LRP1B: variants seen among roughly 807,000 people sequenced by gnomAD.
The protein encoded by LRP1B is low-density lipoprotein receptor-related protein 1B.
LRP1B carries 217 observed loss-of-function variants against 556.6 expected under a neutral mutation model. The ratio of observed to expected loss-of-function variants is 0.39; its 90% CI spans 0.35 to 0.44. LRP1B has a LOEUF of 0.44. LRP1B is among the 20% of genes least tolerant of loss of function. The pLI is 1.00. For missense variants in LRP1B, 5,053 were observed against 5,620.8 expected, an observed-to-expected ratio of 0.90 and a Z score of 3.23; for synonymous variants, 2,047 against 1,865.8, an observed-to-expected ratio of 1.10 and a Z score of -2.50.
intron 3 of LRP1B, among the ~76,000 whole-genome samples, chr2:141,287,087 CTT>C (rs1319328150): frequency 1.3e-5 from 2 of 152,152 alleles, no homozygotes; most frequent in Non-Finnish European, 2.9e-5. Flanking sequence ...TTCCCTCTAT[CTT>C]TGTCTTCATT....
At chr2:141,970,674 A>AAAAACC (rs1701702569) in intron 1 of LRP1B, among the ~76,000 whole-genome samples, 1 of 151,556 alleles carries the variant, frequency 6.6e-6, no homozygotes, top group Non-Finnish European at 1.5e-5. Flanking sequence ...AAACACCATA[A>AAAAACC]AAAACCATTC....
intron 35 of LRP1B, among the ~76,000 whole-genome samples, chr2:140,752,175 C>T (rs1236158922): frequency 2.0e-5 from 3 of 151,892 alleles, no homozygotes; most frequent in South Asian, 2.1e-4. Flanking sequence ...ATTAGCTCGG[C>T]GTGGTGGCAC....
In LRP1B at chr2:141,959,920, A is replaced by G. The variant is rs535185157; in HGVS notation, c.83-149519T>C. On this transcript the variant is annotated intron_variant, in intron 1 of 90. Coordinates refer to ENST00000389484, the MANE Select transcript of LRP1B (RefSeq NM_018557.3). ...TTGCTTCTAAGACAGGTAGTCATCA[A>G]CTATATTCAAGGGAAATTGTGCCAA... Among the ~76,000 whole-genome samples, 4 of 152,066 alleles carry G rather than the reference A, an allele frequency of 2.6e-5. No homozygotes were observed. In the South Asian group the frequency reaches 8.3e-4, roughly 31 times the overall value.
intron 2 of LRP1B, among the ~76,000 whole-genome samples, chr2:141,509,564 TCAAA>T (rs201942884): frequency 6.7e-5 from 9 of 134,356 alleles, no homozygotes; most frequent in African/African-American, 2.2e-4. Flanking sequence ...GTACTAGAGC[TCAAA>T]CAAACAAACA....
intron 11 of LRP1B, among the ~76,000 whole-genome samples, chr2:141,022,825 A>C (rs955293026): frequency 2.0e-5 from 3 of 152,000 alleles, no homozygotes; most frequent in Non-Finnish European, 2.9e-5. Flanking sequence ...ACTTTGGGAT[A>C]GAGTTCAAGT....
Position 140,894,513 on chromosome 2 carries a change from G to T in LRP1B, c.3767-8178C>A, listed in dbSNP as rs570307096. On this transcript the variant is annotated intron_variant, in intron 23 of 90. Coordinates refer to ENST00000389484, the MANE Select transcript of LRP1B (RefSeq NM_018557.3). ...CTGAAAAAATCAAAGATAAGTTGAG[G>T]TTGTGAGCCCTGAAGACCAAAAAAA... 2.5e-3 allele frequency among the ~76,000 whole-genome samples: 329 copies of T among 133,996 alleles called. 2 individuals carry two copies. Among genetic ancestry groups the T allele is most frequent in the Non-Finnish European group, 3.3e-3 (195 of 59,412 alleles). The allele number at this position is 133,996 out of a possible 152,430, so 87.9% of individuals were successfully genotyped here. A position where few individuals can be genotyped will look rare whatever the true frequency, so the allele number is the denominator to read the frequency against.
chr2:140,539,227 T>C (rs554044933), intron 45 of LRP1B, among the ~76,000 whole-genome samples: 5 of 152,250 alleles, frequency 3.3e-5, no homozygotes, highest in Non-Finnish European at 5.9e-5. Flanking sequence ...ACCCCTTTAA[T>C]GCTGCCATTA....
At chr2:140,938,406 G>A (rs887668333) in intron 20 of LRP1B, among the ~76,000 whole-genome samples, 4 of 151,856 alleles carry the variant, frequency 2.6e-5, no homozygotes, top group African/African-American at 7.3e-5. Context: ...TTAATATAAG[G>A]GCCTAGATCT....
chr2:140,596,835 A>G (rs745968110), intron 43 of LRP1B, among the ~76,000 whole-genome samples: 5 of 152,178 alleles, frequency 3.3e-5, no homozygotes, highest in Non-Finnish European at 5.9e-5. Context: ...GGGGATCATC[A>G]TAATAATGCC....
intron 3 of LRP1B, among the ~76,000 whole-genome samples, chr2:141,301,669 T>C (rs1159881051): frequency 6.6e-6 from 1 of 152,200 alleles, no homozygotes. Context: ...GGACCTGTAA[T>C]AGCTCATTTC....
chr2:142,087,553 C>A (rs6714759), intron 1 of LRP1B, among the ~76,000 whole-genome samples: 4,365 of 151,156 alleles, frequency 0.029, 199 homozygotes, highest in African/African-American at 0.1. Flanking sequence ...TTCCAGCAAT[C>A]ATTTTCATTT....
chr2:141,187,582 A>G lies in LRP1B; in HGVS notation c.1013+839T>C, dbSNP rs115550638. On this transcript the variant is annotated intron_variant, in intron 7 of 90. Transcript: ENST00000389484. ...GTGGTACACTATGTGGTTAATTTGA[A>G]AGTATCCTTGCCCAGTAGTGACTGC... Among the ~76,000 whole-genome samples the G allele has an allele frequency of 2.8e-3, 433 of 152,198 alleles. 4 individuals are homozygous for G. The highest frequency in any genetic ancestry group is 9.9e-3 in the African/African-American group (410 of 41,564).
At chr2:141,915,437 A>C (rs1212268967) in intron 1 of LRP1B, among the ~76,000 whole-genome samples, 4 of 152,202 alleles carry the variant, frequency 2.6e-5, no homozygotes, top group African/African-American at 9.6e-5. Context: ...CATATACAAA[A>C]ATTAACTCAA....
intron 72 of LRP1B, among the ~76,000 whole-genome samples, chr2:140,360,993 C>T (rs931199471): frequency 6.6e-6 from 1 of 151,300 alleles, no homozygotes; most frequent in Non-Finnish European, 1.5e-5. Context: ...AACAACTCTT[C>T]AGCTTTATCT....
intron 43 of LRP1B, among the ~76,000 whole-genome samples, chr2:140,573,482 T>C (rs988074924): frequency 6.6e-6 from 1 of 151,862 alleles, no homozygotes; most frequent in African/African-American, 2.4e-5. Flanking sequence ...GAATAACTAA[T>C]CACCCCAAAT....
intron 37 of LRP1B, among the ~76,000 whole-genome samples, chr2:140,711,008 A>G (rs934251779): frequency 6.6e-6 from 1 of 152,064 alleles, no homozygotes; most frequent in East Asian, 1.9e-4. Flanking sequence ...CATTGAAAGG[A>G]ACAAATTAAG....
chr2:141,085,326 TTG>T (rs993272255), intron 7 of LRP1B, among the ~76,000 whole-genome samples: 3 of 152,192 alleles, frequency 2.0e-5, no homozygotes, highest in African/African-American at 7.2e-5. Flanking sequence ...TCTCCAAAAT[TTG>T]TGTGTTGAAA....
chr2:141,910,964 C>G (rs1385231891), intron 1 of LRP1B, among the ~76,000 whole-genome samples: 1 of 151,842 alleles, frequency 6.6e-6, no homozygotes, highest in Non-Finnish European at 1.5e-5. Context: ...TCAAATGTTC[C>G]AATAAATTTG....
chr2:141,847,273 G>T lies in LRP1B; in HGVS notation c.83-36872C>A, dbSNP rs189249889. Among the ~76,000 whole-genome samples, 13 of 151,410 alleles carry T rather than the reference G, an allele frequency of 8.6e-5. No homozygotes were observed. The East Asian group carries it at 2.5e-3, about 29-fold the overall frequency. ...ATTAATCGAACAATAACTGCATAAG[G>T]CCATCATAAATGAACTTAAAAGAAG... On this transcript the variant is annotated intron_variant, in intron 1 of 90. Coordinates refer to ENST00000389484, the MANE Select transcript of LRP1B (RefSeq NM_018557.3).
Sources: allele counts gnomAD v4.1 joint callset (sites outside exome capture counted in the v4.1 genomes callset), GRCh38; gene constraint gnomAD v4.1.1; transcripts MANE v1.5; gene names NCBI Gene and HGNC (gene_info 2026-07-23, HGNC 2026-07-21).